Variants in S1PR3 observed in about 807,000 individuals in gnomAD.
The protein encoded by S1PR3 is sphingosine 1-phosphate receptor 3.
Under a neutral mutation model 13.3 loss-of-function variants are expected in S1PR3, and 12 were observed. The ratio of observed to expected loss-of-function variants is 0.90; its 90% CI spans 0.58 to 1.46. The LOEUF is 1.46. Ranked by LOEUF, S1PR3 falls within the 40% of genes most tolerant of loss-of-function variation. The pLI is 0.00. For synonymous variants in S1PR3, 232 were observed against 214.0 expected, an observed-to-expected ratio of 1.08 and a Z score of -0.73; for missense variants, 450 against 501.9, an observed-to-expected ratio of 0.90 and a Z score of 0.99.
chr9:88,990,925 A>G (rs751371487), upstream of S1PR3: 20 of 1,589,940 alleles, frequency 1.3e-5, no homozygotes, highest in Non-Finnish European at 1.6e-5. Flanking sequence ...AAGAAGCCCA[A>G]ACAAAAACGC....
intron 1 of S1PR3, chr9:88,993,492 G>T (rs537809607): frequency 6.6e-6 from 1 of 152,336 alleles, no homozygotes; most frequent in Non-Finnish European, 1.5e-5. Context: ...GAACCAGGGT[G>T]CTGTGCTGTG....
At position 89,001,354 on chromosome 9, in the gene S1PR3, T is replaced by C; in HGVS notation, c.154T>C (p.Phe52Leu). Residue 52 changes from phenylalanine (F) to leucine (L), a missense_variant, in exon 2 of 2, where the codon TTC becomes CTC. Physicochemically the swap from Phe to Leu is conservative, Grantham distance 22 (BLOSUM62 0). Transcript: ENST00000358157. ...CGTGCTCTTCTTGGTCATCTGCAGC[T>C]TCATCGTCTTGGAGAACCTGATGGT... The part of the protein sequence containing the change: ...TTVLFLVICS[F>L]IVLENLMVLI... 6.2e-7 allele frequency: 1 copy of C among 1,614,230 alleles called. No individual in the cohort carries two copies. Among genetic ancestry groups the C allele is most frequent in the Non-Finnish European group, 8.5e-7 (1 of 1,180,044 alleles).
chr9:89,001,257 G>C lies in S1PR3; in HGVS notation c.57G>C (p.Arg19=). Residue 19 remains arginine, a synonymous_variant, in exon 2 of 2, where the codon CGG becomes CGC. Coordinates refer to ENST00000358157, the MANE Select transcript of S1PR3 (RefSeq NM_005226.4). ...CGGTGCGGGGGAACGAGACCCTGCGGGAGCATTACCAGTACGTGGGGAAGT... is the reference window on the plus strand; with the variant it reads ...CGGTGCGGGGGAACGAGACCCTGCGCGAGCATTACCAGTACGTGGGGAAGT... The part of the protein sequence containing the change: ...LQPVRGNETL[R]EHYQYVGKLA... 1 of 1,614,110 alleles carries C rather than the reference G, an allele frequency of 6.2e-7. No homozygotes were observed. Among genetic ancestry groups the C allele is most frequent in the Non-Finnish European group, 8.5e-7 (1 of 1,180,010 alleles).
intron 1 of S1PR3, chr9:88,993,714 G>A (rs1027604645): frequency 1.3e-5 from 2 of 152,146 alleles, no homozygotes; most frequent in African/African-American, 2.4e-5. Context: ...TTAATAACAT[G>A]TTTCAGTTGA....
rs542433062 is a variant in S1PR3 at position 89,001,910 on chromosome 9, G to T, written c.710G>T (p.Arg237Leu). ...RKVANHNNSE[R>L]SMALLRTVVI... ...GTGGCCAACCACAACAACTCGGAGC[G>T]GTCCATGGCACTGCTGCGGACCGTG... Residue 237 changes from arginine to leucine, a missense_variant, in exon 2 of 2, where the codon CGG (arginine) becomes CTG (leucine). Coordinates refer to ENST00000358157, the MANE Select transcript of S1PR3 (RefSeq NM_005226.4). 6.2e-7 allele frequency: 1 copy of T among 1,614,196 alleles called. No individual in the cohort carries two copies.
Position 89,004,514 on chromosome 9 carries a change from T to C in S1PR3, c.*2177T>C, listed in dbSNP as rs77515659. On this transcript the variant is annotated 3_prime_UTR_variant, in exon 2 of 2. Transcript: ENST00000358157. The stretch of plus-strand genomic sequence containing the variant: ...TGACTTTGGAACTTTATCTGTGTTA[T>C]AGTTATGAGTTGCTTTGGGAGACTT... 3,757 of 167,238 alleles carry C rather than the reference T, an allele frequency of 0.022. 126 individuals carry two copies. Among genetic ancestry groups the C allele is most frequent in the African/African-American group, 0.073 (3,020 of 41,584 alleles). 10.4% of individuals were successfully genotyped at this position (167,238 alleles called of 1,614,324 possible). A position where few individuals can be genotyped will look rare whatever the true frequency, so the allele number is the denominator to read the frequency against.
intron 1 of S1PR3, chr9:89,000,191 T>C (rs149194805): frequency 2.6e-5 from 4 of 152,324 alleles, no homozygotes; most frequent in African/African-American, 4.8e-5. Context: ...TCAGAATCCA[T>C]TGAGGCCTTC....
At position 89,003,973 on chromosome 9, in the gene S1PR3, A is replaced by G. The variant is rs2118609324; in HGVS notation, c.*1636A>G. ...TACTGATGAGATGAAACCTATTTGT[A>G]AGGAGATCTTCCCCAGGAGCATTTC... is the stretch of plus-strand genomic sequence containing the variant. On this transcript the variant is annotated 3_prime_UTR_variant, in exon 2 of 2. Coordinates refer to ENST00000358157, the MANE Select transcript of S1PR3 (RefSeq NM_005226.4). The G allele has an allele frequency of 6.0e-6, 1 of 166,852 alleles. No individual in the cohort carries two copies. Among genetic ancestry groups the G allele is most frequent in the South Asian group, 2.1e-4 (1 of 4,822 alleles). 10.3% of individuals were successfully genotyped at this position (166,852 alleles called of 1,614,324 possible).
chr9:88,993,734 T>TA (rs1377157025), intron 1 of S1PR3: 1 of 152,244 alleles, frequency 6.6e-6, no homozygotes, highest in Non-Finnish European at 1.5e-5. Context: ...ATGTTACTGT[T>TA]ATAGCTACTG....
chr9:88,991,898 C>G lies in S1PR3; in HGVS notation c.-148+203C>G, dbSNP rs1265670635. 1.9e-6 allele frequency: 3 copies of G among 1,614,156 alleles called. No homozygotes were observed. Among genetic ancestry groups the G allele is most frequent in the South Asian group, 1.1e-5 (1 of 91,080 alleles). Reference sequence around the variant, plus strand: ...GAGGCCTTTTCCACCGCACCCGGAGCGTTTACAACGGGCTGGAGCTGAATA... The same window carrying G: ...GAGGCCTTTTCCACCGCACCCGGAGGGTTTACAACGGGCTGGAGCTGAATA... On this transcript the variant is annotated intron_variant, in intron 1 of 1. Coordinates refer to ENST00000358157, the MANE Select transcript of S1PR3 (RefSeq NM_005226.4). The surrounding 1 kb of genome is among the most constrained non-coding windows in gnomAD (Gnocchi z 4.0).
chr9:88,991,446 TTA>T, upstream of S1PR3: 1 of 1,543,964 alleles, frequency 6.5e-7, no homozygotes, highest in Non-Finnish European at 8.7e-7. The surrounding 1 kb of genome is among the most constrained non-coding windows in gnomAD (Gnocchi z 4.0). Context: ...CTGGAAAAGT[TTA>T]GTCTCTGACT....
Position 89,001,388 on chromosome 9 carries a change from C to T in S1PR3, c.188C>T (p.Ala63Val), listed in dbSNP as rs1294693271. The change falls in exon 2 of 2, where the codon GCC becomes GTC. Residue 63 changes from alanine to valine, a missense_variant. By Grantham distance (64) the Ala-to-Val change is moderately conservative. Coordinates refer to ENST00000358157, the MANE Select transcript of S1PR3 (RefSeq NM_005226.4). ...IVLENLMVLI[A>V]IWKNNKFHNR... Reference sequence around the variant, plus strand: ...TTGGAGAACCTGATGGTTTTGATTGCCATCTGGAAAAACAATAAATTTCAC... The same window carrying T: ...TTGGAGAACCTGATGGTTTTGATTGTCATCTGGAAAAACAATAAATTTCAC... 6.2e-7 allele frequency: 1 copy of T among 1,614,074 alleles called. No individual in the cohort carries two copies. The highest frequency in any genetic ancestry group is 1.3e-5 in the African/African-American group (1 of 74,936).
In S1PR3 at chr9:89,001,722, G is replaced by T. The variant is rs554166203; in HGVS notation, c.522G>T (p.Leu174=). ...TCACGCTGGGCGCCCTGCCCATTCT[G>T]GGCTGGAACTGCCTGCACAATCTCC... ...IAFTLGALPI[L]GWNCLHNLPD... Residue 174 remains leucine, a synonymous_variant, in exon 2 of 2, where the codon CTG becomes CTT. Transcript: ENST00000358157. 1 of 1,614,202 alleles carries T rather than the reference G, an allele frequency of 6.2e-7. No homozygotes were observed. Among genetic ancestry groups the T allele is most frequent in the African/African-American group, 1.3e-5 (1 of 75,068 alleles).
intron 1 of S1PR3, chr9:89,000,793 C>T (rs901549668): frequency 3.2e-5 from 7 of 216,562 alleles, no homozygotes; most frequent in Admixed American, 1.0e-4. Flanking sequence ...GTACTTGGGT[C>T]TGTGTATCTT....
chr9:89,001,276 G>A lies in S1PR3; in HGVS notation c.76G>A (p.Gly26Arg), dbSNP rs554136674. ...ETLREHYQYV[G>R]KLAGRLKEAS... is the part of the protein sequence containing the mutation. ...CCTGCGGGAGCATTACCAGTACGTG[G>A]GGAAGTTGGCGGGCAGGCTGAAGGA... The change falls in exon 2 of 2, where the codon GGG (glycine) becomes AGG (arginine). Residue 26 changes from glycine (G) to arginine (R), a missense_variant. By Grantham distance (125) the Gly-to-Arg change is moderately radical. Coordinates refer to ENST00000358157, the MANE Select transcript of S1PR3 (RefSeq NM_005226.4). The A allele has an allele frequency of 6.2e-7, 1 of 1,614,174 alleles. No individual in the cohort carries two copies.
intron 1 of S1PR3, chr9:88,992,039 G>C: frequency 1.2e-6 from 2 of 1,609,716 alleles, no homozygotes; most frequent in Middle Eastern, 1.7e-4. Flanking sequence ...ACGTGGGAGA[G>C]GGTTGTGGTC....
chr9:89,000,907 G>A (rs1159445941), intron 1 of S1PR3, 147 bp from the exon 2 acceptor site: 8 of 428,258 alleles, frequency 1.9e-5, no homozygotes, highest in Non-Finnish European at 2.6e-5. Flanking sequence ...AATTTAGCCT[G>A]TGTCTAAAGA....
intron 1 of S1PR3, chr9:88,993,357 C>G (rs1315640102): frequency 1.3e-5 from 2 of 152,198 alleles, no homozygotes; most frequent in Non-Finnish European, 2.9e-5. Flanking sequence ...TTTGAGCATG[C>G]CACAATCTTG....
At chr9:88,991,382 G>C, upstream of S1PR3, 1 of 812,662 alleles carries the variant, frequency 1.2e-6, no homozygotes, top group Non-Finnish European at 1.9e-6. The surrounding 1 kb of genome is among the most constrained non-coding windows in gnomAD (Gnocchi z 4.0). Flanking sequence ...AGAGGGGCGG[G>C]AGTCGGGGGC....
Sources: gnomAD v4.1 joint callset for allele counts on GRCh38, gnomAD v4.1.1 for gene constraint, Gnocchi (gnomAD v3.1) non-coding constraint, MANE v1.5 for transcripts, NCBI Gene and HGNC (gene_info 2026-07-23, HGNC 2026-07-21) for gene names.